MUSK: variants seen among roughly 807,000 people sequenced by gnomAD.
The protein encoded by MUSK is muscle associated receptor tyrosine kinase.
MUSK carries 55 observed loss-of-function variants against 88.7 expected under a neutral mutation model. That is an observed-to-expected ratio of 0.62 (90% confidence interval 0.50 to 0.78). The LOEUF (loss-of-function observed/expected upper bound fraction) is 0.78, where lower values mean the gene tolerates loss of function less well. Ranked by LOEUF, MUSK falls within the 30% of genes least tolerant of loss-of-function variation. The probability of loss-of-function intolerance (pLI) is 0.00; values close to 1 mark genes in which losing one functional copy is unlikely to be tolerated. For synonymous variants in MUSK, 387 were observed against 391.9 expected (o/e 0.99, Z 0.15); for missense variants, 1,015 against 1,074.3 (o/e 0.94, Z 0.77).
intron 5 of MUSK, among the ~76,000 whole-genome samples, chr9:110,720,571 A>G (rs1487262576): frequency 6.6e-6 from 1 of 152,082 alleles, no homozygotes. Context: ...GCAGACCAAT[A>G]ACAAGCAGAA....
chr9:110,676,348 ATTATATATTATATATT>A, intron 1 of MUSK, among the ~76,000 whole-genome samples: 1 of 139,510 alleles, frequency 7.2e-6, no homozygotes, highest in East Asian at 2.1e-4. Flanking sequence ...ACACACATAT[ATTATATATTATATATT>A]ATATATGTGT....
chr9:110,783,944 T>A lies in MUSK; in HGVS notation c.1385-871T>A, dbSNP rs540311306. ...AAAAAGTCATTGATTTTTTTCTTTTTAAAAATGTCCCATTGGATTTTATTT... is the reference window on the plus strand; with the variant it reads ...AAAAAGTCATTGATTTTTTTCTTTTAAAAAATGTCCCATTGGATTTTATTT... On this transcript the variant is annotated intron_variant, in intron 11 of 14. Transcript: ENST00000374448. Among the ~76,000 whole-genome samples, 3 of 152,104 alleles carry A rather than the reference T, an allele frequency of 2.0e-5. No homozygotes were observed. The South Asian group carries it at 6.2e-4, about 32-fold the overall frequency.
intron 11 of MUSK, among the ~76,000 whole-genome samples, chr9:110,781,565 T>G (rs915574110): frequency 3.9e-5 from 6 of 152,116 alleles, no homozygotes; most frequent in East Asian, 1.9e-4. Flanking sequence ...CGTGAGCTAC[T>G]GCTCCCAGCC....
intron 3 of MUSK, among the ~76,000 whole-genome samples, chr9:110,687,725 C>T (rs567211131): frequency 2.0e-5 from 3 of 152,168 alleles, no homozygotes; most frequent in African/African-American, 7.2e-5. Context: ...CAAGCACAAC[C>T]CTGAGGCCAA....
chr9:110,787,023 C>T (rs898066897), intron 13 of MUSK, among the ~76,000 whole-genome samples: 8 of 152,080 alleles, frequency 5.3e-5, no homozygotes, highest in African/African-American at 1.9e-4. Flanking sequence ...GATGAGTAAG[C>T]CATAGTTCCT....
intron 7 of MUSK, among the ~76,000 whole-genome samples, chr9:110,752,444 C>T (rs1367320694): frequency 6.6e-6 from 1 of 152,246 alleles, no homozygotes; most frequent in Admixed American, 6.5e-5. Context: ...CTGCTTTTGG[C>T]CCCTCTCTCG....
In MUSK at chr9:110,695,466, C is replaced by T. The variant is rs1327724661; in HGVS notation, c.422C>T (p.Pro141Leu). 1 of 1,554,656 alleles carries T rather than the reference C, an allele frequency of 6.4e-7. No homozygotes were observed. Among genetic ancestry groups the T allele is most frequent in the South Asian group, 1.2e-5 (1 of 84,478 alleles). ...ATAGAGGGATTAAAAGCAGTCCTAC[C>T]ATGTACTACAATGGGTAATCCCAAA... ...KIIEGLKAVL[P>L]CTTMGNPKPS... Residue 141 changes from proline to leucine, a missense_variant, in exon 4 of 15, where the codon CCA (proline) becomes CTA (leucine). Transcript: ENST00000374448.
intron 1 of MUSK, among the ~76,000 whole-genome samples, chr9:110,679,322 G>T (rs1027163727): frequency 6.6e-6 from 1 of 151,890 alleles, no homozygotes; most frequent in African/African-American, 2.4e-5. Flanking sequence ...TTATCATTAA[G>T]CAATGTTTCT....
chr9:110,695,546 G>A lies in MUSK; in HGVS notation c.486+16G>A. On this transcript the variant is annotated intron_variant, in intron 4 of 14. Coordinates refer to ENST00000374448, the MANE Select transcript of MUSK (RefSeq NM_005592.4). Reference sequence around the variant, plus strand: ...CCCTCTCAGGGTAAGTGGTTATGATGTTAAAACACATATATAAAATGTATT... The same window carrying A: ...CCCTCTCAGGGTAAGTGGTTATGATATTAAAACACATATATAAAATGTATT... 1 of 1,521,452 alleles carries A rather than the reference G, an allele frequency of 6.6e-7. No individual in the cohort carries two copies. The allele number at this position is 1,521,452 out of a possible 1,614,324, so 94.2% of individuals were successfully genotyped here.
intron 3 of MUSK, among the ~76,000 whole-genome samples, chr9:110,689,171 A>T (rs1442180973): frequency 1.2e-5 from 1 of 80,336 alleles, no homozygotes; most frequent in Non-Finnish European, 2.2e-5. Flanking sequence ...TAAATAAACT[A>T]TATATTTATA....
At chr9:110,708,243 T>G (rs1269650242) in intron 5 of MUSK, among the ~76,000 whole-genome samples, 1 of 152,174 alleles carries the variant, frequency 6.6e-6, no homozygotes, top group Non-Finnish European at 1.5e-5. Context: ...TCAAATTTAC[T>G]TGTTGCATCT....
chr9:110,711,304 A>C (rs969570875), intron 5 of MUSK, among the ~76,000 whole-genome samples: 3 of 152,202 alleles, frequency 2.0e-5, no homozygotes, highest in Non-Finnish European at 2.9e-5. Flanking sequence ...CAATGGCTGC[A>C]GAGGAGCTTC....
At chr9:110,750,674 T>A (rs1479110839) in intron 7 of MUSK, among the ~76,000 whole-genome samples, 1 of 152,164 alleles carries the variant, frequency 6.6e-6, no homozygotes. Flanking sequence ...GCATACAGAA[T>A]TCAGGAGAGA....
At chr9:110,763,713 G>T (rs771804545) in intron 8 of MUSK, among the ~76,000 whole-genome samples, 9 of 152,182 alleles carry the variant, frequency 5.9e-5, no homozygotes, top group Non-Finnish European at 8.8e-5. Context: ...GGGAGGGAGG[G>T]AAGTAAGGTG....
chr9:110,699,123 A>C (rs922390428), intron 5 of MUSK, among the ~76,000 whole-genome samples: 3 of 152,184 alleles, frequency 2.0e-5, no homozygotes, highest in African/African-American at 7.2e-5. Flanking sequence ...CATTAGTTGG[A>C]GTTATTATAC....
At chr9:110,735,747 G>T (rs1641683583) in intron 6 of MUSK, among the ~76,000 whole-genome samples, 1 of 152,118 alleles carries the variant, frequency 6.6e-6, no homozygotes, top group South Asian at 2.1e-4. Flanking sequence ...AAGCATAATG[G>T]CTTCTGCTTC....
At chr9:110,789,417 T>C (rs560930245) in intron 14 of MUSK, among the ~76,000 whole-genome samples, 14 of 152,320 alleles carry the variant, frequency 9.2e-5, no homozygotes, top group South Asian at 8.3e-4. Flanking sequence ...GGAGGTGCCA[T>C]TGGCTGAGTT....
intron 7 of MUSK, among the ~76,000 whole-genome samples, chr9:110,755,291 G>T (rs6477788): frequency 2.0e-5 from 3 of 151,912 alleles, no homozygotes; most frequent in Non-Finnish European, 4.4e-5. Context: ...TAAAATTTTA[G>T]AGCTTATTAT....
chr9:110,785,396 G>A, intron 12 of MUSK, 131 bp from the exon 13 acceptor site: 1 of 790,116 alleles, frequency 1.3e-6, no homozygotes, highest in East Asian at 2.6e-5. Context: ...TCAAAACGAA[G>A]GATCTTTGGC....
Sources: gnomAD v4.1 joint callset for allele counts (sites outside exome capture counted in the v4.1 genomes callset) on GRCh38, gnomAD v4.1.1 for gene constraint, MANE v1.5 for transcripts, NCBI Gene and HGNC (gene_info 2026-07-23, HGNC 2026-07-21) for gene names.